RAPGEF5: variants seen among roughly 807,000 people sequenced by gnomAD.
RAPGEF5 encodes Rap guanine nucleotide exchange factor 5.
A neutral mutation model predicts 125.2 loss-of-function variants in RAPGEF5; 65 were observed. The ratio of observed to expected loss-of-function variants is 0.52; its 90% CI spans 0.43 to 0.64. RAPGEF5 has a LOEUF of 0.64. RAPGEF5 is among the 30% of genes least tolerant of loss of function. The pLI is 0.00. For synonymous variants in RAPGEF5, 391 were observed against 385.9 expected, an observed-to-expected ratio of 1.01 and a Z score of -0.16; for missense variants, 958 against 1,048.1, an observed-to-expected ratio of 0.91 and a Z score of 1.19.
At chr7:22,299,369 T>C (rs537906298) in intron 5 of RAPGEF5, among the ~76,000 whole-genome samples, 41 of 152,148 alleles carry the variant, frequency 2.7e-4, no homozygotes, top group Non-Finnish European at 5.3e-4. Flanking sequence ...AAATAGTAGA[T>C]TTTACAAATA....
intron 1 of RAPGEF5, among the ~76,000 whole-genome samples, chr7:22,335,401 C>T (rs1305337168): frequency 2.0e-5 from 3 of 152,154 alleles, no homozygotes; most frequent in African/African-American, 7.2e-5. Flanking sequence ...AAACTCTCTC[C>T]TTTTTATCCA....
In RAPGEF5 at chr7:22,317,172, G is replaced by C. The variant is rs75705288; in HGVS notation, c.282+815C>G. Among the ~76,000 whole-genome samples, 415 of 150,862 alleles carry C rather than the reference G, an allele frequency of 2.8e-3. 3 individuals carry two copies. The highest frequency in any genetic ancestry group is 9.3e-3 in the African/African-American group (383 of 41,274). On this transcript the variant is annotated intron_variant, in intron 2 of 25. Transcript: ENST00000665637. The stretch of plus-strand genomic sequence containing the variant: ...ATGGTGGGGATACAGCGGTGGAGAA[G>C]GTAGAGAAGGTCCCAGCCCTCACAA...
Position 22,294,732 on chromosome 7 carries a change from C to T in RAPGEF5, c.681-3491G>A, listed in dbSNP as rs551021399. On this transcript the variant is annotated intron_variant, in intron 5 of 25. Coordinates refer to ENST00000665637, the MANE Select transcript of RAPGEF5 (RefSeq NM_012294.5). ...TCAAGACATATCTCTCACCTGACCA[C>T]GTCTCACCACCTCCATCACTGCCAC... Among the ~76,000 whole-genome samples the T allele has an allele frequency of 3.3e-5, 5 of 152,290 alleles. No individual in the cohort carries two copies. The South Asian group carries it at 6.2e-4, about 19-fold the overall frequency.
chr7:22,316,437 A>G (rs1783592884), intron 2 of RAPGEF5, among the ~76,000 whole-genome samples: 1 of 147,558 alleles, frequency 6.8e-6, no homozygotes, highest in Admixed American at 6.8e-5. Context: ...ATATACATAT[A>G]CACACGTGTA....
At chr7:22,300,887 G>A (rs1783182083) in intron 5 of RAPGEF5, among the ~76,000 whole-genome samples, 2 of 152,106 alleles carry the variant, frequency 1.3e-5, no homozygotes. Flanking sequence ...AAAACTACAG[G>A]GACCCATTTT....
chr7:22,160,113 A>G (rs866896491), intron 14 of RAPGEF5, among the ~76,000 whole-genome samples: 29 of 152,302 alleles, frequency 1.9e-4, no homozygotes, highest in Non-Finnish European at 2.9e-5. Flanking sequence ...TGTCTCAAAA[A>G]ATAAAATAAA....
intron 23 of RAPGEF5, among the ~76,000 whole-genome samples, chr7:22,132,587 T>C (rs1002565328): frequency 2.6e-5 from 4 of 152,202 alleles, no homozygotes; most frequent in Admixed American, 2.6e-4. Context: ...AATGCAAACC[T>C]GTGCACACTC....
Position 22,336,999 on chromosome 7 carries a change from G to A in RAPGEF5, c.232-18962C>T, listed in dbSNP as rs904638519. ...ACAAGTGCACAGGCCCTGAGGTGGTGTCACTGCCCAACATGTTCATCTTGC... is the reference window on the plus strand; with the variant it reads ...ACAAGTGCACAGGCCCTGAGGTGGTATCACTGCCCAACATGTTCATCTTGC... On this transcript the variant is annotated intron_variant, in intron 1 of 25. Transcript: ENST00000665637. Among the ~76,000 whole-genome samples the A allele has an allele frequency of 1.4e-4, 22 of 152,174 alleles. 1 individual carries two copies. The highest frequency in any genetic ancestry group is 3.3e-4 in the Admixed American group (5 of 15,280).
chr7:22,167,469 T>C (rs888117807), intron 11 of RAPGEF5, among the ~76,000 whole-genome samples: 1 of 152,198 alleles, frequency 6.6e-6, no homozygotes, highest in African/African-American at 2.4e-5. Flanking sequence ...AATGCATAAA[T>C]AATGTGCTTT....
chr7:22,340,763 G>T (rs1784111420), intron 1 of RAPGEF5, among the ~76,000 whole-genome samples: 1 of 152,204 alleles, frequency 6.6e-6, no homozygotes. Context: ...GTGATGCACA[G>T]GCATGGCCAC....
chr7:22,278,682 G>T (rs1782611008), intron 6 of RAPGEF5, among the ~76,000 whole-genome samples: 1 of 150,156 alleles, frequency 6.7e-6, no homozygotes, highest in Non-Finnish European at 1.5e-5. Flanking sequence ...GAAAAGTATT[G>T]GTATCACAGA....
At chr7:22,264,216 A>C (rs1168417382) in intron 7 of RAPGEF5, among the ~76,000 whole-genome samples, 3 of 152,120 alleles carry the variant, frequency 2.0e-5, no homozygotes, top group Non-Finnish European at 2.9e-5. Context: ...CTACAGCCAG[A>C]CCTCCAGTCA....
chr7:22,136,218 CTT>C, intron 22 of RAPGEF5, 93 bp from the exon 23 acceptor site: 1 of 930,652 alleles, frequency 1.1e-6, no homozygotes, highest in South Asian at 1.8e-5. Context: ...TTGAACATAA[CTT>C]AGATATAGAG....
intron 16 of RAPGEF5, among the ~76,000 whole-genome samples, 192 bp downstream of exon 16, chr7:22,156,618 C>T (rs191442546): frequency 2.6e-5 from 4 of 152,248 alleles, no homozygotes; most frequent in Admixed American, 6.5e-5. Context: ...GTGCTTGGGA[C>T]AGTATTATGT....
intron 3 of RAPGEF5, among the ~76,000 whole-genome samples, chr7:22,313,468 A>C (rs1783519249): frequency 6.6e-6 from 1 of 152,226 alleles, no homozygotes; most frequent in South Asian, 2.1e-4. Context: ...TTCATGTTTA[A>C]ACCCAGAATA....
At chr7:22,292,084 T>C (rs1261502097) in intron 5 of RAPGEF5, among the ~76,000 whole-genome samples, 1 of 152,118 alleles carries the variant, frequency 6.6e-6, no homozygotes, top group Non-Finnish European at 1.5e-5. Context: ...ATGTATGCTG[T>C]GGACAGGGGG....
intron 7 of RAPGEF5, among the ~76,000 whole-genome samples, chr7:22,250,671 A>G (rs1786596593): frequency 6.6e-6 from 1 of 151,720 alleles, no homozygotes; most frequent in South Asian, 2.1e-4. Context: ...GGGGGAAAAA[A>G]AGGCCTTCAG....
intron 24 of RAPGEF5, 107 bp from the exon 25 acceptor site, chr7:22,125,765 T>A: frequency 9.7e-7 from 1 of 1,033,986 alleles, no homozygotes; most frequent in Non-Finnish European, 1.5e-6. Flanking sequence ...TTGGCTGTAA[T>A]AAAGAGAAGA....
intron 11 of RAPGEF5, among the ~76,000 whole-genome samples, chr7:22,183,432 C>G (rs889878786): frequency 6.6e-6 from 1 of 151,740 alleles, no homozygotes; most frequent in Admixed American, 6.6e-5. Flanking sequence ...TCCAGTTGTT[C>G]TAGAAAATTA....
Sources: gnomAD v4.1 joint callset for allele counts (sites outside exome capture counted in the v4.1 genomes callset) on GRCh38, gnomAD v4.1.1 for gene constraint, MANE v1.5 for transcripts, NCBI Gene and HGNC (gene_info 2026-07-23, HGNC 2026-07-21) for gene names.